The following SFXN3 variants were observed in gnomAD, a reference collection of about 807,000 sequenced individuals.
The protein encoded by SFXN3 is sideroflexin-3.
Under a neutral mutation model 40.4 loss-of-function variants are expected in SFXN3, and 31 were observed. The observed-to-expected ratio is 0.77, with a 90% CI of 0.58 to 1.04. The LOEUF (loss-of-function observed/expected upper bound fraction) is 1.04, where lower values mean the gene tolerates loss of function less well. Among genes scored for constraint, SFXN3 ranks in the 50% least tolerant of loss-of-function variants. SFXN3 has a pLI of 0.00. For missense variants in SFXN3, 366 were observed against 408.2 expected, an observed-to-expected ratio of 0.90 and a Z score of 0.89; for synonymous variants, 157 against 160.0, an observed-to-expected ratio of 0.98 and a Z score of 0.14.
intron 2 of SFXN3, 112 bp downstream of exon 2, chr10:101,032,594 T>C (rs779661823): frequency 1.6e-6 from 2 of 1,246,888 alleles, no homozygotes; most frequent in Non-Finnish European, 1.1e-6. Flanking sequence ...TCTGTGGAGG[T>C]CCAAGTCCAC....
At chr10:101,038,560 G>A (rs1938731174) in intron 9 of SFXN3, 83 bp from the exon 10 acceptor site, 4 of 1,611,150 alleles carry the variant, frequency 2.5e-6, no homozygotes, top group African/African-American at 1.3e-5. Flanking sequence ...CAAGGCTGAT[G>A]GGATAGAGCT....
rs1368588195 is a variant in SFXN3, at chr10:101,036,885, G to A, written c.593+77G>A. 5.1e-6 allele frequency: 8 copies of A among 1,566,474 alleles called. No homozygotes were observed. The highest frequency in any genetic ancestry group is 7.0e-6 in the Non-Finnish European group (8 of 1,149,854). On this transcript the variant is annotated intron_variant, in intron 7 of 11. Transcript: ENST00000393459. This position sits in a 1 kb window ranked among gnomAD's most constrained non-coding sequence, Gnocchi z 4.2. The stretch of plus-strand genomic sequence containing the variant: ...CCATCCACGCAGACCACCTCAGAAT[G>A]GGGACATCCCTCTCCCTCCCCAGAC...
rs1267198571 is a variant in SFXN3 at position 101,036,045 on chromosome 10, C to A, written c.375C>A (p.Ser125=). ...TGTTCTGGCAGTGGGTGAATCAGTC[C>A]TTCAATGCCATTGTTAACTACTCCA... The change falls in exon 5 of 12, where the codon TCC becomes TCA. Residue 125 remains serine (S), a synonymous_variant. Transcript: ENST00000393459. The surrounding 1 kb of genome is among the most constrained non-coding windows in gnomAD (Gnocchi z 4.2). 1 of 1,613,978 alleles carries A rather than the reference C, an allele frequency of 6.2e-7. No homozygotes were observed. Among genetic ancestry groups the A allele is most frequent in the Non-Finnish European group, 8.5e-7 (1 of 1,179,994 alleles).
chr10:101,037,730 T>G, intron 9 of SFXN3: 1 of 1,343,552 alleles, frequency 7.4e-7, no homozygotes, highest in Non-Finnish European at 9.6e-7. Context: ...ATGCTCATTC[T>G]TTTACCCCCT....
chr10:101,032,421 G>A (rs1167861264), exon 2 of SFXN3: 4 of 1,508,064 alleles, frequency 2.7e-6, no homozygotes, highest in East Asian at 2.7e-5. Context: ...GGGAGGGCCC[G>A]GCGGCGACAG....
Position 101,039,352 on chromosome 10 carries a change from G to A in SFXN3, c.869+130G>A, listed in dbSNP as rs778340750. Reference sequence around the variant, plus strand: ...GCACTCCACTGATTCTGGGAGTGGGGGAATGACAGTGAGCCAGTCCTTCTG... The same window carrying A: ...GCACTCCACTGATTCTGGGAGTGGGAGAATGACAGTGAGCCAGTCCTTCTG... On this transcript the variant is annotated intron_variant, in intron 11 of 11. Coordinates refer to ENST00000393459, the Ensembl canonical transcript of SFXN3. This position sits in a 1 kb window ranked among gnomAD's most constrained non-coding sequence, Gnocchi z 4.6. The A allele has an allele frequency of 3.0e-5, 36 of 1,195,992 alleles. No homozygotes were observed. Among genetic ancestry groups the A allele is most frequent in the Non-Finnish European group, 4.1e-5 (33 of 812,062 alleles). The allele number at this position is 1,195,992 out of a possible 1,614,324, so 74.1% of individuals were successfully genotyped here.
In SFXN3 at chr10:101,036,347, G is replaced by A. The variant is rs570280818; in HGVS notation, c.432-139G>A. ...TGGGGCTTCTAGACAAGTTTACGCC[G>A]GAGATGGAGGGAAGGCTTCTTCTGC... On this transcript the variant is annotated intron_variant, in intron 5 of 11. Transcript: ENST00000393459. The surrounding 1 kb of genome is among the most constrained non-coding windows in gnomAD (Gnocchi z 4.2). The A allele has an allele frequency of 4.9e-4, 420 of 861,612 alleles. 1 individual carries two copies. The highest frequency in any genetic ancestry group is 2.4e-4 in the East Asian group (9 of 37,686). The allele number at this position is 861,612 out of a possible 1,614,324, so 53.4% of individuals were successfully genotyped here.
Position 101,039,423 on chromosome 10 carries a change from C to G in SFXN3, c.870-66C>G. The G allele has an allele frequency of 6.8e-7, 1 of 1,463,976 alleles. No homozygotes were observed. The highest frequency in any genetic ancestry group is 1.1e-5 in the South Asian group (1 of 88,018). 90.7% of individuals were successfully genotyped at this position (1,463,976 alleles called of 1,614,324 possible). ...TTCAGCCTGGGAGGAGGTGGGATGG[C>G]AATCCCTGGGCCTGAGTGGGGTTGG... On this transcript the variant is annotated intron_variant, in intron 11 of 11. Transcript: ENST00000393459. The surrounding 1 kb of genome is among the most constrained non-coding windows in gnomAD (Gnocchi z 4.6).
chr10:101,036,795 CT>C lies in SFXN3; in HGVS notation c.581del (p.Leu194ArgfsTer2). The C allele has an allele frequency of 6.8e-6, 11 of 1,613,850 alleles. No individual in the cohort carries two copies. The South Asian group carries it at 8.8e-5, about 13-fold the overall frequency. On this transcript the variant is annotated frameshift_variant, in exon 7 of 12. Transcript: ENST00000393459. LOFTEE classifies it high-confidence loss of function. The surrounding 1 kb of genome is among the most constrained non-coding windows in gnomAD (Gnocchi z 4.2). ...AGCTGCCAACTGCATCAACATCCCC[CT>C]GATGAGGCAGAGGTGAGTGACCCCG...
intron 9 of SFXN3, 197 bp downstream of exon 9, chr10:101,037,628 G>A (rs756917132): frequency 1.4e-6 from 2 of 1,452,318 alleles, no homozygotes; most frequent in East Asian, 2.5e-5. Flanking sequence ...AGGGGCAGGA[G>A]GAGAGGACAA....
intron 10 of SFXN3, 143 bp downstream of exon 10, chr10:101,038,835 T>C: frequency 7.5e-7 from 1 of 1,334,640 alleles, no homozygotes; most frequent in South Asian, 1.3e-5. Flanking sequence ...AACTATAGGG[T>C]CTACTTTGTG....
intron 8 of SFXN3, 26 bp from the exon 9 acceptor site, chr10:101,037,353 TCTC>T (rs763949708): frequency 1.2e-6 from 2 of 1,613,980 alleles, no homozygotes; most frequent in Admixed American, 1.7e-5. Context: ...CTACTAATGT[TCTC>T]CTTCTTGGCC....
At chr10:101,035,941 C>T in intron 4 of SFXN3, 62 bp from the exon 5 acceptor site, 1 of 1,450,484 alleles carries the variant, frequency 6.9e-7, no homozygotes, top group Non-Finnish European at 9.7e-7. Context: ...GGTTTCATTA[C>T]AGGGGTCTAA....
chr10:101,032,443 A>G lies in SFXN3; in HGVS notation c.-43A>G, dbSNP rs61397346. ...CCCGGCGGCGACAGCGGAGGCAGAG[A>G]GGAAGGCGGTTCTGAGAGCTTCAGA... On this transcript the variant is annotated 5_prime_UTR_variant, in exon 2 of 12. Coordinates refer to ENST00000393459, the Ensembl canonical transcript of SFXN3. The G allele has an allele frequency of 0.014, 21,135 of 1,539,094 alleles. 2,335 individuals carry two copies. In the African/African-American group the frequency reaches 0.25, roughly 18 times the overall value.
intron 2 of SFXN3, among the ~76,000 whole-genome samples, chr10:101,033,670 AG>A: frequency 6.6e-6 from 1 of 152,324 alleles, no homozygotes; most frequent in East Asian, 1.9e-4. Flanking sequence ...CAGCATACCA[AG>A]GATCTGCACC....
rs1339259729 is a variant in SFXN3, at chr10:101,034,716, A to G, written c.22A>G (p.Ile8Val). The G allele has an allele frequency of 2.5e-6, 4 of 1,613,964 alleles. No individual in the cohort carries two copies. In the African/African-American group the frequency reaches 5.3e-5, roughly 22 times the overall value. Residue 8 changes from isoleucine (I) to valine (V), a missense_variant, in exon 3 of 12, where the codon ATC becomes GTC. By Grantham distance (29) the Ile-to-Val change is conservative. Coordinates refer to ENST00000393459, the Ensembl canonical transcript of SFXN3. ...GAAAATGGGTGAATTGCCTTTAGACATCAACATCCAGGAACCTCGCTGGGA... is the reference window on the plus strand; with the variant it reads ...GAAAATGGGTGAATTGCCTTTAGACGTCAACATCCAGGAACCTCGCTGGGA...
intron 9 of SFXN3, 75 bp downstream of exon 9, chr10:101,037,506 A>G (rs1460621531): frequency 3.1e-6 from 5 of 1,612,964 alleles, no homozygotes; most frequent in Non-Finnish European, 3.4e-6. Flanking sequence ...CTCTCTCTCC[A>G]GCCTCGCCTG....
intron 3 of SFXN3, among the ~76,000 whole-genome samples, chr10:101,035,252 C>T (rs1432708521): frequency 5.3e-5 from 8 of 152,238 alleles, no homozygotes; most frequent in Non-Finnish European, 1.2e-4. Context: ...TCATCCCTGA[C>T]CCAGCATTTT....
chr10:101,037,424 T>A (rs752695551), exon 9 of SFXN3: 81 of 1,614,036 alleles, frequency 5.0e-5, no homozygotes, highest in Non-Finnish European at 6.5e-5. Flanking sequence ...AAGAAAGACT[T>A]CCTGAAGGTA....
Sources: allele counts gnomAD v4.1 joint callset (sites outside exome capture counted in the v4.1 genomes callset), GRCh38; gene constraint gnomAD v4.1.1; non-coding constraint Gnocchi (gnomAD v3.1); transcripts MANE v1.5; gene names NCBI Gene and HGNC (gene_info 2026-07-23, HGNC 2026-07-21).